The following DAAM1 variants were observed in gnomAD, a reference collection of about 807,000 sequenced individuals.
DAAM1 encodes the protein disheveled-associated activator of morphogenesis 1.
DAAM1 carries 52 observed loss-of-function variants against 130.0 expected under a neutral mutation model. That is an observed-to-expected ratio of 0.40 (90% CI 0.32 to 0.50). The LOEUF (loss-of-function observed/expected upper bound fraction) is 0.50, where lower values mean the gene tolerates loss of function less well. Among genes scored for constraint, DAAM1 ranks in the 20% least tolerant of loss-of-function variants. The pLI is 0.61. For synonymous variants in DAAM1, 452 were observed against 444.5 expected, an observed-to-expected ratio of 1.02 and a Z score of -0.21; for missense variants, 1,134 against 1,303.8, an observed-to-expected ratio of 0.87 and a Z score of 2.01.
intron 23 of DAAM1, among the ~76,000 whole-genome samples, chr14:59,367,212 C>T (rs1418327422): frequency 1.3e-5 from 2 of 151,990 alleles, no homozygotes; most frequent in East Asian, 1.9e-4. Flanking sequence ...CGCTTGAACC[C>T]GAGAGACAGA....
chr14:59,285,292 C>T (rs1161066989), intron 2 of DAAM1, among the ~76,000 whole-genome samples: 1 of 152,100 alleles, frequency 6.6e-6, no homozygotes, highest in Non-Finnish European at 1.5e-5. Context: ...ACCTGCGTTA[C>T]AAGATCTACT....
intron 1 of DAAM1, among the ~76,000 whole-genome samples, chr14:59,241,816 T>C (rs1349101616): frequency 6.6e-6 from 1 of 152,240 alleles, no homozygotes; most frequent in Admixed American, 6.5e-5. Flanking sequence ...GGGAGTTACG[T>C]GTAGACTTTT....
chr14:59,325,552 T>A, intron 8 of DAAM1, 112 bp from the exon 9 acceptor site: 2 of 921,090 alleles, frequency 2.2e-6, no homozygotes, highest in Middle Eastern at 3.4e-4. Flanking sequence ...ATTGTTCCTT[T>A]TTGAGATATC....
intron 1 of DAAM1, among the ~76,000 whole-genome samples, chr14:59,204,839 C>G (rs1353686466): frequency 6.6e-6 from 1 of 152,162 alleles, no homozygotes; most frequent in Non-Finnish European, 1.5e-5. Context: ...CGAGACCAGC[C>G]TGGCCAACAT....
chr14:59,277,970 A>ATATACTATGTTTTTTTCC (rs1883044478), intron 2 of DAAM1, among the ~76,000 whole-genome samples: 1 of 152,172 alleles, frequency 6.6e-6, no homozygotes, highest in Non-Finnish European at 1.5e-5. Context: ...TGAACGCTAT[A>ATATACTATGTTTTTTTCC]TATACTATGT....
Position 59,367,409 on chromosome 14 carries a change from T to C in DAAM1, c.2827-20T>C. The C allele has an allele frequency of 1.3e-6, 2 of 1,586,260 alleles. No homozygotes were observed. The highest frequency in any genetic ancestry group is 1.7e-6 in the Non-Finnish European group (2 of 1,163,744). On this transcript the variant is annotated intron_variant, in intron 23 of 24. Coordinates refer to ENST00000360909, the MANE Select transcript of DAAM1 (RefSeq NM_001270520.2). ...GAATTCTCATGAAACATTGACTTCT[T>C]AAAACCATCTTTTTCCTAGTTTACT...
At chr14:59,305,984 G>A (rs1884366520) in intron 3 of DAAM1, among the ~76,000 whole-genome samples, 1 of 152,174 alleles carries the variant, frequency 6.6e-6, no homozygotes, top group African/African-American at 2.4e-5. Context: ...GGGAGTTCAG[G>A]AATGCTTGCA....
intron 5 of DAAM1, among the ~76,000 whole-genome samples, chr14:59,322,357 A>T (rs904664842): frequency 6.6e-6 from 1 of 151,960 alleles, no homozygotes; most frequent in African/African-American, 2.4e-5. Flanking sequence ...TAAAAAAAAA[A>T]GTTAAAAAGA....
chr14:59,297,854 A>G (rs1435698175), intron 3 of DAAM1, among the ~76,000 whole-genome samples: 1 of 152,232 alleles, frequency 6.6e-6, no homozygotes, highest in Non-Finnish European at 1.5e-5. Flanking sequence ...AGGGTTCAGT[A>G]CTATCCAATC....
At chr14:59,225,024 T>TTTTTTTG (rs1888894258) in intron 1 of DAAM1, among the ~76,000 whole-genome samples, 1 of 135,570 alleles carries the variant, frequency 7.4e-6, no homozygotes, top group Non-Finnish European at 1.6e-5. Flanking sequence ...TGTGGGTTTT[T>TTTTTTTG]TTTTTTTTTT....
intron 12 of DAAM1, among the ~76,000 whole-genome samples, chr14:59,330,170 A>G (rs1885369254): frequency 6.6e-6 from 1 of 152,246 alleles, no homozygotes; most frequent in Admixed American, 6.5e-5. Context: ...GACCATTTTA[A>G]TGACAAGATT....
chr14:59,350,688 C>T (rs1886257532), intron 17 of DAAM1, among the ~76,000 whole-genome samples: 1 of 152,128 alleles, frequency 6.6e-6, no homozygotes, highest in Admixed American at 6.5e-5. Flanking sequence ...CCTCATTTTT[C>T]TTAGTTTCTT....
At chr14:59,219,848 C>T (rs1888714839) in intron 1 of DAAM1, among the ~76,000 whole-genome samples, 1 of 152,158 alleles carries the variant, frequency 6.6e-6, no homozygotes, top group South Asian at 2.1e-4. Context: ...TGCTCCTTTG[C>T]CTTGAGGACT....
intron 2 of DAAM1, among the ~76,000 whole-genome samples, chr14:59,274,274 A>G (rs1882854130): frequency 6.6e-6 from 1 of 152,218 alleles, no homozygotes; most frequent in African/African-American, 2.4e-5. Flanking sequence ...CCAAATAATT[A>G]AAAACTCAGA....
At chr14:59,199,413 C>G (rs1479761012) in intron 1 of DAAM1, among the ~76,000 whole-genome samples, 3 of 152,156 alleles carry the variant, frequency 2.0e-5, no homozygotes, top group Non-Finnish European at 4.4e-5. Flanking sequence ...CCACTTTAAA[C>G]TGGAGTCTGA....
Position 59,242,793 on chromosome 14 carries a change from C to T in DAAM1, c.-37-20648C>T, listed in dbSNP as rs10148601. On this transcript the variant is annotated intron_variant, in intron 1 of 24. Coordinates refer to ENST00000360909, the MANE Select transcript of DAAM1 (RefSeq NM_001270520.2). ...CAGGATGGTCTCGATCTCTTGACCT[C>T]GTGATCTGCCTCGGCCTCCCAAAGT... Among the ~76,000 whole-genome samples, 361 of 152,210 alleles carry T rather than the reference C, an allele frequency of 2.4e-3. 1 individual carries two copies. Among genetic ancestry groups the T allele is most frequent in the African/African-American group, 8.2e-3 (340 of 41,526 alleles).
intron 1 of DAAM1, among the ~76,000 whole-genome samples, chr14:59,198,772 T>C (rs1311064400): frequency 6.6e-6 from 1 of 152,182 alleles, no homozygotes; most frequent in Non-Finnish European, 1.5e-5. Context: ...TTGAATGAAA[T>C]CTCTTCACCT....
chr14:59,205,424 T>G (rs1201018151), intron 1 of DAAM1, among the ~76,000 whole-genome samples: 2 of 152,354 alleles, frequency 1.3e-5, no homozygotes, highest in East Asian at 3.9e-4. Flanking sequence ...TTTAAAAATA[T>G]TAAGTGATGT....
chr14:59,327,052 A>G (rs974981795), intron 12 of DAAM1, 61 bp downstream of exon 12: 22 of 1,585,842 alleles, frequency 1.4e-5, no homozygotes, highest in Middle Eastern at 3.4e-4. Flanking sequence ...CTTGATTTCC[A>G]TATATTTTGG....
Sources: gnomAD v4.1 joint callset for allele counts (sites outside exome capture counted in the v4.1 genomes callset) on GRCh38, gnomAD v4.1.1 for gene constraint, MANE v1.5 for transcripts, NCBI Gene and HGNC (gene_info 2026-07-23, HGNC 2026-07-21) for gene names.